PDE7B: variants seen among roughly 807,000 people sequenced by gnomAD.
PDE7B encodes 3',5'-cyclic-AMP phosphodiesterase 7B.
A neutral mutation model predicts 56.2 loss-of-function variants in PDE7B; 29 were observed. The ratio of observed to expected loss-of-function variants is 0.52; its 90% CI spans 0.38 to 0.70. The LOEUF is 0.70. Among genes scored for constraint, PDE7B ranks in the 30% least tolerant of loss-of-function variants. The pLI is 0.00. For synonymous variants in PDE7B, 197 were observed against 196.9 expected (o/e 1.00, Z 0.00); for missense variants, 490 against 565.0 (o/e 0.87, Z 1.35).
chr6:135,948,256 T>C (rs1032260689), intron 2 of PDE7B, among the ~76,000 whole-genome samples: 6 of 152,044 alleles, frequency 3.9e-5, no homozygotes, highest in African/African-American at 1.4e-4. Context: ...GCCACTAAAC[T>C]ATGTCCAATA....
intron 12 of PDE7B, among the ~76,000 whole-genome samples, chr6:136,189,869 ACTGCCTCTT>A (rs1779194581): frequency 6.6e-6 from 1 of 152,096 alleles, no homozygotes; most frequent in African/African-American, 2.4e-5. Context: ...AATTTGAAAA[ACTGCCTCTT>A]GGTGTCTATT....
At chr6:135,934,973 CTA>C (rs936401714) in intron 1 of PDE7B, among the ~76,000 whole-genome samples, 10 of 51,702 alleles carry the variant, frequency 1.9e-4, no homozygotes, top group African/African-American at 6.6e-4. Flanking sequence ...ATATATTTCT[CTA>C]TATATTTTAT....
chr6:136,026,756 A>T (rs1177460330), intron 2 of PDE7B, among the ~76,000 whole-genome samples: 2 of 152,224 alleles, frequency 1.3e-5, no homozygotes, highest in Non-Finnish European at 2.9e-5. Flanking sequence ...TGAAATGCTT[A>T]GTGCTGTATC....
chr6:136,084,446 A>G (rs1032764898), intron 2 of PDE7B, among the ~76,000 whole-genome samples: 9 of 152,232 alleles, frequency 5.9e-5, no homozygotes, highest in Non-Finnish European at 1.2e-4. Flanking sequence ...GAAAGGAAGG[A>G]AAGAAAAGAG....
chr6:135,876,541 A>G (rs1775495800), intron 1 of PDE7B, among the ~76,000 whole-genome samples: 1 of 152,092 alleles, frequency 6.6e-6, no homozygotes, highest in Non-Finnish European at 1.5e-5. Flanking sequence ...TCTTGAACTT[A>G]TATAGTCGAT....
intron 2 of PDE7B, among the ~76,000 whole-genome samples, chr6:136,017,106 T>C (rs967799516): frequency 8.5e-5 from 13 of 152,178 alleles, no homozygotes; most frequent in African/African-American, 2.9e-4. Flanking sequence ...AACCCTCAAA[T>C]AGTCCTTGAA....
At chr6:135,969,326 AAAT>A (rs1270152442) in intron 2 of PDE7B, among the ~76,000 whole-genome samples, 2 of 152,168 alleles carry the variant, frequency 1.3e-5, no homozygotes, top group African/African-American at 4.8e-5. Context: ...AAAATTTAAA[AAAT>A]AATAAAATAG....
chr6:136,108,957 C>T (rs921490612), intron 3 of PDE7B, 143 bp downstream of exon 3: 2 of 649,376 alleles, frequency 3.1e-6, no homozygotes, highest in Non-Finnish European at 5.5e-6. Context: ...GAACTTAACC[C>T]TTTGTCTTTG....
At chr6:136,049,094 G>A (rs934614972) in intron 2 of PDE7B, 1 of 152,844 alleles carries the variant, frequency 6.5e-6, no homozygotes, top group Non-Finnish European at 1.5e-5. Flanking sequence ...TACTTAGATT[G>A]CCTGTTTTGT....
chr6:135,963,711 T>A (rs1022301549), intron 2 of PDE7B, among the ~76,000 whole-genome samples: 14 of 142,056 alleles, frequency 9.9e-5, no homozygotes, highest in African/African-American at 2.4e-4. Flanking sequence ...TAACTTTTTT[T>A]AAAAAAACAT....
intron 1 of PDE7B, among the ~76,000 whole-genome samples, chr6:135,891,040 T>A (rs1438443617): frequency 6.6e-6 from 1 of 152,170 alleles, no homozygotes; most frequent in African/African-American, 2.4e-5. Context: ...TGCAAACAGG[T>A]CTGAATTACA....
intron 2 of PDE7B, among the ~76,000 whole-genome samples, chr6:135,987,329 C>A (rs937020496): frequency 3.3e-5 from 5 of 152,154 alleles, no homozygotes; most frequent in Non-Finnish European, 5.9e-5. Flanking sequence ...GAGTTGAGAG[C>A]ACCAACCCTC....
intron 2 of PDE7B, among the ~76,000 whole-genome samples, chr6:136,072,183 C>G (rs2128214101): frequency 6.6e-6 from 1 of 152,234 alleles, no homozygotes; most frequent in African/African-American, 2.4e-5. Flanking sequence ...ACAATAAACA[C>G]AGTTCCTGCC....
At chr6:135,935,190 TTATATATATATATA>T (rs60829896) in intron 1 of PDE7B, among the ~76,000 whole-genome samples, 1 of 36,192 alleles carries the variant, frequency 2.8e-5, no homozygotes, top group African/African-American at 1.2e-4. Flanking sequence ...ATATATTTAT[TTATATATATATATA>T]TATATATATA....
intron 1 of PDE7B, among the ~76,000 whole-genome samples, chr6:135,893,395 A>C (rs921674781): frequency 1.3e-5 from 2 of 152,074 alleles, no homozygotes; most frequent in African/African-American, 4.8e-5. Context: ...AAAGGACATG[A>C]ACTCATCATT....
At chr6:136,113,111 A>G (rs1777774665) in intron 3 of PDE7B, among the ~76,000 whole-genome samples, 1 of 152,220 alleles carries the variant, frequency 6.6e-6, no homozygotes, top group South Asian at 2.1e-4. Context: ...ATAGTTAATA[A>G]CAAACGTATA....
intron 2 of PDE7B, among the ~76,000 whole-genome samples, chr6:135,969,830 A>G (rs1775061539): frequency 6.6e-6 from 1 of 152,200 alleles, no homozygotes; most frequent in Non-Finnish European, 1.5e-5. Context: ...AATGTACTGT[A>G]TAATGGAAAA....
In PDE7B at chr6:136,048,257, C is replaced by T. The variant is rs193225293; in HGVS notation, c.83-60474C>T. Among the ~76,000 whole-genome samples the T allele has an allele frequency of 7.9e-5, 12 of 152,252 alleles. No individual in the cohort carries two copies. The East Asian group carries it at 1.5e-3, about 20-fold the overall frequency. On this transcript the variant is annotated intron_variant, in intron 2 of 12. Transcript: ENST00000308191. ...GGAGATGATGGGCTGGGCGCGGTGG[C>T]TCACGGCTATAACATCAGCACTTTG...
At chr6:135,977,586 T>C (rs1470778262) in intron 2 of PDE7B, among the ~76,000 whole-genome samples, 1 of 152,178 alleles carries the variant, frequency 6.6e-6, no homozygotes, top group African/African-American at 2.4e-5. Context: ...GAGATGGATC[T>C]TTTAACCTAC....
Sources: gnomAD v4.1 joint callset for allele counts (sites outside exome capture counted in the v4.1 genomes callset) on GRCh38, gnomAD v4.1.1 for gene constraint, MANE v1.5 for transcripts, NCBI Gene and HGNC (gene_info 2026-07-23, HGNC 2026-07-21) for gene names.